XKR6: variants seen among roughly 807,000 people sequenced by gnomAD.
XKR6 encodes the protein XK related 6.
A neutral mutation model predicts 56.7 loss-of-function variants in XKR6; 22 were observed. The observed-to-expected ratio is 0.39, with a 90% CI of 0.28 to 0.55. The LOEUF (loss-of-function observed/expected upper bound fraction) is 0.55. Among genes scored for constraint, XKR6 ranks in the 20% least tolerant of loss-of-function variants. The pLI, the probability that XKR6 is intolerant of heterozygous loss-of-function variation, is 0.66. For missense variants in XKR6, 852 were observed against 889.0 expected, an observed-to-expected ratio of 0.96 and a Z score of 0.53; for synonymous variants, 524 against 387.8, an observed-to-expected ratio of 1.35 and a Z score of -4.13.
intron 1 of XKR6, among the ~76,000 whole-genome samples, chr8:11,091,687 G>A (rs1031893478): frequency 5.9e-5 from 9 of 151,994 alleles, no homozygotes; most frequent in Non-Finnish European, 1.0e-4. Flanking sequence ...TAGAAATGTG[G>A]AGCAGGACAT....
chr8:11,042,258 A>G (rs1461514423), intron 1 of XKR6, among the ~76,000 whole-genome samples: 1 of 149,050 alleles, frequency 6.7e-6, no homozygotes. Flanking sequence ...ATCTTGAAAT[A>G]TTTGCATTAT....
chr8:11,161,859 A>G (rs1050390780), intron 1 of XKR6, among the ~76,000 whole-genome samples: 28 of 152,312 alleles, frequency 1.8e-4, no homozygotes, highest in African/African-American at 6.7e-4. Flanking sequence ...ACTGAAAAAG[A>G]CGGAAATGAA....
At chr8:10,957,883 A>G (rs1259636807) in intron 1 of XKR6, among the ~76,000 whole-genome samples, 1 of 152,166 alleles carries the variant, frequency 6.6e-6, no homozygotes, top group East Asian at 1.9e-4. Context: ...GAATCTAAAA[A>G]TGATCCCCAA....
chr8:11,013,648 C>G (rs1256956578), intron 1 of XKR6, among the ~76,000 whole-genome samples: 1 of 152,168 alleles, frequency 6.6e-6, no homozygotes, highest in Non-Finnish European at 1.5e-5. Flanking sequence ...GTGGGAATGT[C>G]CCCATCCATT....
At chr8:10,973,123 C>T (rs377395101) in intron 1 of XKR6, among the ~76,000 whole-genome samples, 69 of 152,254 alleles carry the variant, frequency 4.5e-4, no homozygotes, top group Admixed American at 2.0e-3. Context: ...CCTGAGAACA[C>T]GCATTATAGG....
chr8:10,984,315 G>C (rs1474477718), intron 1 of XKR6, among the ~76,000 whole-genome samples: 1 of 151,952 alleles, frequency 6.6e-6, no homozygotes, highest in Non-Finnish European at 1.5e-5. Context: ...TTCTTACATG[G>C]ATACACAATC....
intron 1 of XKR6, among the ~76,000 whole-genome samples, chr8:10,967,950 G>T (rs537849632): frequency 6.6e-6 from 1 of 152,170 alleles, no homozygotes; most frequent in Admixed American, 6.5e-5. Flanking sequence ...AGCCCTAGGA[G>T]ATTCCATCAG....
At chr8:10,899,055 G>A (rs537452106) in intron 2 of XKR6, 139 bp from the exon 3 acceptor site, 11 of 1,302,598 alleles carry the variant, frequency 8.4e-6, no homozygotes, top group East Asian at 4.8e-5. Flanking sequence ...ATCAGGAACC[G>A]AACTTGGAGG....
chr8:11,051,388 A>C (rs1799544239), intron 1 of XKR6, among the ~76,000 whole-genome samples: 2 of 152,116 alleles, frequency 1.3e-5, no homozygotes, highest in Admixed American at 1.3e-4. Context: ...TCCCAAAGTG[A>C]CATCTCCAAG....
chr8:11,026,507 T>C (rs975074440), intron 1 of XKR6, among the ~76,000 whole-genome samples: 1 of 148,830 alleles, frequency 6.7e-6, no homozygotes, highest in Non-Finnish European at 1.5e-5. Context: ...TCTAGCCTAC[T>C]ACACACTTAG....
At chr8:11,065,062 T>C (rs1257654696) in intron 1 of XKR6, among the ~76,000 whole-genome samples, 1 of 152,212 alleles carries the variant, frequency 6.6e-6, no homozygotes, top group Non-Finnish European at 1.5e-5. Flanking sequence ...TTTAAAAAAA[T>C]CATTATTGTA....
intron 1 of XKR6, chr8:11,123,821 T>C (rs1454068504): frequency 2.2e-6 from 1 of 455,936 alleles, no homozygotes; most frequent in East Asian, 6.9e-5. Context: ...TATTTGGAAA[T>C]AAACACACCA....
At chr8:11,074,732 G>C (rs189883564) in intron 1 of XKR6, among the ~76,000 whole-genome samples, 123 of 152,338 alleles carry the variant, frequency 8.1e-4, no homozygotes, top group African/African-American at 2.8e-3. Context: ...CTACCAGTGA[G>C]GTGGGCCCAG....
At chr8:10,940,066 G>C (rs1246220098) in intron 1 of XKR6, among the ~76,000 whole-genome samples, 1 of 152,236 alleles carries the variant, frequency 6.6e-6, no homozygotes, top group Non-Finnish European at 1.5e-5. Flanking sequence ...TTTCCAGGGA[G>C]GGCCTAGTGG....
At chr8:11,032,864 C>A (rs116048264) in intron 1 of XKR6, among the ~76,000 whole-genome samples, 1 of 152,126 alleles carries the variant, frequency 6.6e-6, no homozygotes, top group African/African-American at 2.4e-5. Context: ...CTCATGAGCA[C>A]TGAGGAGCAG....
chr8:10,943,783 G>C (rs1232554253), intron 1 of XKR6, among the ~76,000 whole-genome samples: 1 of 152,052 alleles, frequency 6.6e-6, no homozygotes, highest in Non-Finnish European at 1.5e-5. Flanking sequence ...TTTACGCCAG[G>C]GCACTATGCT....
chr8:10,926,010 G>A (rs1040659272), intron 1 of XKR6, among the ~76,000 whole-genome samples: 7 of 152,244 alleles, frequency 4.6e-5, no homozygotes, highest in South Asian at 2.1e-4. Context: ...GGGTGCCAGC[G>A]GCAGTGGGAG....
chr8:10,907,239 G>A (rs553859376), intron 2 of XKR6, among the ~76,000 whole-genome samples: 4 of 152,264 alleles, frequency 2.6e-5, no homozygotes, highest in South Asian at 2.1e-4. Flanking sequence ...AAATCTGAGC[G>A]ATCACACCAT....
intron 1 of XKR6, among the ~76,000 whole-genome samples, chr8:11,178,121 AACCAC>A (rs1378639280): frequency 6.6e-6 from 1 of 152,142 alleles, no homozygotes; most frequent in Non-Finnish European, 1.5e-5. Flanking sequence ...AGAGGCACGA[AACCAC>A]ACCATGGAGA....
Sources: allele counts gnomAD v4.1 joint callset (sites outside exome capture counted in the v4.1 genomes callset), GRCh38; gene constraint gnomAD v4.1.1; transcripts MANE v1.5; gene names NCBI Gene and HGNC (gene_info 2026-07-23, HGNC 2026-07-21).